UNC80: variants seen among roughly 807,000 people sequenced by gnomAD.
UNC80 encodes the protein protein unc-80 homolog.
UNC80 carries 164 observed loss-of-function variants against 384.6 expected under a neutral mutation model. The ratio of observed to expected loss-of-function variants is 0.43; its 90% confidence interval spans 0.38 to 0.49. The LOEUF is 0.49. Among genes scored for constraint, UNC80 ranks in the 20% least tolerant of loss-of-function variants. The pLI is 0.00. For synonymous variants in UNC80, 1,486 were observed against 1,527.8 expected (o/e 0.97, Z 0.64); for missense variants, 3,330 against 4,143.0 (o/e 0.80, Z 5.39).
chr2:209,911,064 G>A (rs1053373873), intron 29 of UNC80, among the ~76,000 whole-genome samples: 1 of 152,068 alleles, frequency 6.6e-6, no homozygotes, highest in Non-Finnish European at 1.5e-5. Context: ...AGTTCCTCAA[G>A]GCTAGTAAGG....
At chr2:209,892,337 C>T (rs1158541622) in intron 26 of UNC80, among the ~76,000 whole-genome samples, 1 of 152,124 alleles carries the variant, frequency 6.6e-6, no homozygotes, top group Non-Finnish European at 1.5e-5. Context: ...GGATTTGTTT[C>T]ACTTTTGTAC....
chr2:209,885,375 C>A (rs189520756), intron 25 of UNC80, among the ~76,000 whole-genome samples: 2 of 152,110 alleles, frequency 1.3e-5, no homozygotes, highest in South Asian at 2.1e-4. Context: ...CTCTGATGAA[C>A]CTTCTTGGAA....
Position 209,872,726 on chromosome 2 carries a change from C to G in UNC80, c.3628-32C>G, listed in dbSNP as rs2084406112. The G allele has an allele frequency of 1.3e-6, 2 of 1,519,286 alleles. No individual in the cohort carries two copies. The highest frequency in any genetic ancestry group is 1.2e-5 in the South Asian group (1 of 83,262). 94.1% of individuals were successfully genotyped at this position (1,519,286 alleles called of 1,614,324 possible). A position where few individuals can be genotyped will look rare whatever the true frequency, so the allele number is the denominator to read the frequency against. ...ATTTAAAGTTATTGTTCATTAATCC[C>G]ACATTATTCTTTCCTAAACAACCCT... On this transcript the variant is annotated intron_variant, in intron 22 of 64. Coordinates refer to ENST00000673920, the MANE Select transcript of UNC80 (RefSeq NM_001371986.1). The surrounding 1 kb of genome is among the most constrained non-coding windows in gnomAD (Gnocchi z 4.1).
rs1198395104 is a variant in UNC80 at position 209,978,589 on chromosome 2, G to A, written c.8999G>A (p.Ser3000Asn). Residue 3000 changes from serine to asparagine, a missense_variant, in exon 59 of 65, where the codon AGC becomes AAC. Ser to Asn is a conservative substitution (Grantham distance 46). Around this residue, in one of 8 missense-constraint regions of UNC80, gnomAD observed 216 missense variants for 245.3 expected, o/e 0.88. Transcript: ENST00000673920. ...ACCTCCACCTCTGCTTACCGCCTGAGCTTGGCCACCATGTCCCGCTCTAAC... is the reference window on the plus strand; with the variant it reads ...ACCTCCACCTCTGCTTACCGCCTGAACTTGGCCACCATGTCCCGCTCTAAC... The part of the protein sequence containing the change: ...VGTSTSAYRL[S>N]LATMSRSNTG... 1 of 1,551,460 alleles carries A rather than the reference G, an allele frequency of 6.4e-7. No individual in the cohort carries two copies. Among genetic ancestry groups the A allele is most frequent in the South Asian group, 1.2e-5 (1 of 84,048 alleles).
intron 29 of UNC80, among the ~76,000 whole-genome samples, chr2:209,907,383 T>C (rs1414097298): frequency 6.6e-6 from 1 of 151,642 alleles, no homozygotes. Flanking sequence ...AACTCCCAAA[T>C]TGATGTAAAA....
intron 13 of UNC80, among the ~76,000 whole-genome samples, chr2:209,821,742 C>T (rs1414395262): frequency 6.6e-6 from 1 of 152,148 alleles, no homozygotes; most frequent in East Asian, 1.9e-4. Flanking sequence ...CAAATTACTA[C>T]AGCTTAAATT....
At chr2:209,856,988 C>T (rs1559209318) in intron 22 of UNC80, among the ~76,000 whole-genome samples, 1 of 151,934 alleles carries the variant, frequency 6.6e-6, no homozygotes, top group Non-Finnish European at 1.5e-5. Flanking sequence ...AGGGGTTTCA[C>T]CATATTGGTC....
intron 29 of UNC80, 102 bp downstream of exon 29, chr2:209,905,067 A>C (rs2088019400): frequency 1.6e-6 from 2 of 1,238,518 alleles, no homozygotes; most frequent in East Asian, 2.5e-5. Flanking sequence ...CAATTGTAAC[A>C]ATCAGGTCTG....
At chr2:209,854,987 A>T (rs1028668911) in intron 22 of UNC80, among the ~76,000 whole-genome samples, 1 of 152,248 alleles carries the variant, frequency 6.6e-6, no homozygotes, top group Non-Finnish European at 1.5e-5. Flanking sequence ...CTGTAAAAAC[A>T]CATGCACACG....
intron 7 of UNC80, among the ~76,000 whole-genome samples, chr2:209,806,788 C>G (rs1404179362): frequency 2.6e-5 from 4 of 152,180 alleles, no homozygotes; most frequent in African/African-American, 9.6e-5. Context: ...AAACAGGTAG[C>G]TAGTTTTTAA....
At chr2:209,985,147 T>G (rs2093259307) in intron 61 of UNC80, among the ~76,000 whole-genome samples, 1 of 152,220 alleles carries the variant, frequency 6.6e-6, no homozygotes. Flanking sequence ...AAAAGCTTAC[T>G]TTAAAAAAAT....
chr2:209,841,054 A>G (rs559630204), intron 20 of UNC80, among the ~76,000 whole-genome samples: 24 of 150,712 alleles, frequency 1.6e-4, no homozygotes, highest in African/African-American at 5.4e-4. Context: ...TTTTGGCACC[A>G]TGTGAACCAC....
Position 209,772,008 on chromosome 2 carries a change from C to G in UNC80, c.-65C>G. 2.2e-5 allele frequency: 22 copies of G among 1,013,782 alleles called. No homozygotes were observed. Among genetic ancestry groups the G allele is most frequent in the African/African-American group, 3.3e-5 (2 of 61,352 alleles). The allele number at this position is 1,013,782 out of a possible 1,614,324, so 62.8% of individuals were successfully genotyped here. The stretch of plus-strand genomic sequence containing the variant: ...GAGAGTTGGGAGCAGCGGGAGGAGG[C>G]GGCGGCGGCGGCTAGCGAGGAGACA... On this transcript the variant is annotated 5_prime_UTR_variant, in exon 1 of 65. Transcript: ENST00000673920.
At chr2:209,782,699 A>G (rs1275543867) in intron 4 of UNC80, among the ~76,000 whole-genome samples, 1 of 152,162 alleles carries the variant, frequency 6.6e-6, no homozygotes, top group Non-Finnish European at 1.5e-5. Flanking sequence ...TTTGTAACAC[A>G]GTGTATTATT....
At position 209,918,578 on chromosome 2, in the gene UNC80, G is replaced by T; in HGVS notation, c.5258G>T (p.Gly1753Val). 1 of 1,552,144 alleles carries T rather than the reference G, an allele frequency of 6.4e-7. No individual in the cohort carries two copies. The highest frequency in any genetic ancestry group is 2.4e-5 in the East Asian group (1 of 40,918). The part of the protein sequence containing the change: ...INFTLPSPVL[G>V]MPSVPMFDPP... Reference sequence around the variant, plus strand: ...TTCACCCTTCCCTCGCCGGTGCTTGGAATGCCATCCGTCCCAATGTTTGAC... The same window carrying T: ...TTCACCCTTCCCTCGCCGGTGCTTGTAATGCCATCCGTCCCAATGTTTGAC... The change falls in exon 33 of 65, where the codon GGA becomes GTA. Residue 1753 changes from glycine to valine, a missense_variant. By Grantham distance (109) the Gly-to-Val change is moderately radical. Transcript: ENST00000673920.
intron 59 of UNC80, among the ~76,000 whole-genome samples, chr2:209,979,051 C>A (rs2093087733): frequency 6.6e-6 from 1 of 152,136 alleles, no homozygotes; most frequent in Admixed American, 6.5e-5. Context: ...GAGTTCAAGA[C>A]CAGCCTGGCC....
intron 22 of UNC80, among the ~76,000 whole-genome samples, chr2:209,861,108 G>A (rs2124861551): frequency 6.6e-6 from 1 of 152,318 alleles, no homozygotes; most frequent in African/African-American, 2.4e-5. Flanking sequence ...GTGAGAGAGG[G>A]CATCCCTGTC....
intron 31 of UNC80, among the ~76,000 whole-genome samples, chr2:209,917,445 T>C (rs1255366245): frequency 6.6e-6 from 1 of 152,270 alleles, no homozygotes; most frequent in East Asian, 1.9e-4. Flanking sequence ...TACTAAGAGA[T>C]GACTCTGGCT....
At chr2:209,836,591 A>G (rs993860112) in intron 18 of UNC80, among the ~76,000 whole-genome samples, 10 of 152,220 alleles carry the variant, frequency 6.6e-5, no homozygotes, top group South Asian at 2.1e-4. Flanking sequence ...ATGCCTCTAC[A>G]TAAATATTTC....
Sources: allele counts gnomAD v4.1 joint callset (sites outside exome capture counted in the v4.1 genomes callset), GRCh38; gene constraint gnomAD v4.1.1; regional missense constraint gnomAD v4.1.1; non-coding constraint Gnocchi (gnomAD v3.1); transcripts MANE v1.5; gene names NCBI Gene and HGNC (gene_info 2026-07-23, HGNC 2026-07-21).